The following TOM1L2 variants were observed in gnomAD, a reference collection of about 807,000 sequenced individuals.
The protein encoded by TOM1L2 is TOM1-like protein 2.
In TOM1L2, 31 loss-of-function variants were observed where a neutral mutation model predicts 67.9. The observed-to-expected ratio is 0.46, with a 90% CI of 0.34 to 0.62. TOM1L2 has a LOEUF of 0.62. Among genes scored for constraint, TOM1L2 ranks in the 20% least tolerant of loss-of-function variants. The pLI is 0.01. For missense variants in TOM1L2, 606 were observed against 663.5 expected, an observed-to-expected ratio of 0.91 and a Z score of 0.95; for synonymous variants, 256 against 254.0, an observed-to-expected ratio of 1.01 and a Z score of -0.07.
At chr17:17,939,980 G>C (rs902432912) in intron 1 of TOM1L2, among the ~76,000 whole-genome samples, 7 of 151,802 alleles carry the variant, frequency 4.6e-5, no homozygotes, top group African/African-American at 1.7e-4. Flanking sequence ...ATCACTTGAG[G>C]TCAGGAGTTC....
chr17:17,891,701 G>T (rs2038284844), intron 4 of TOM1L2, among the ~76,000 whole-genome samples: 2 of 152,170 alleles, frequency 1.3e-5, no homozygotes, highest in Non-Finnish European at 1.5e-5. Flanking sequence ...GAATTCCTGG[G>T]GGTATTGAGG....
intron 10 of TOM1L2, 46 bp downstream of exon 10, chr17:17,866,250 A>G: frequency 6.4e-7 from 1 of 1,564,100 alleles, no homozygotes; most frequent in African/African-American, 1.4e-5. Context: ...AAGGGAGGCC[A>G]GTGGTAGGAA....
chr17:17,935,031 C>G (rs1437118878), intron 1 of TOM1L2, among the ~76,000 whole-genome samples: 3 of 152,208 alleles, frequency 2.0e-5, no homozygotes, highest in Non-Finnish European at 4.4e-5. Context: ...AGCCAGCCAC[C>G]CTCTGAGAGG....
chr17:17,968,337 G>A (rs146834113), intron 1 of TOM1L2, among the ~76,000 whole-genome samples: 40 of 152,286 alleles, frequency 2.6e-4, no homozygotes, highest in African/African-American at 9.1e-4. Context: ...GGGAAAATTA[G>A]GTCCAAAGAG....
At chr17:17,910,372 C>T (rs1305398416) in intron 1 of TOM1L2, among the ~76,000 whole-genome samples, 1 of 152,140 alleles carries the variant, frequency 6.6e-6, no homozygotes, top group African/African-American at 2.4e-5. Flanking sequence ...GTGCCCAGCA[C>T]TTGGCAGTAG....
chr17:17,964,971 C>T (rs2041823278), intron 1 of TOM1L2, among the ~76,000 whole-genome samples: 1 of 152,146 alleles, frequency 6.6e-6, no homozygotes, highest in Admixed American at 6.5e-5. Context: ...AGGACAAATG[C>T]TCTAGACTAG....
intron 1 of TOM1L2, among the ~76,000 whole-genome samples, chr17:17,924,428 T>C (rs1166602796): frequency 6.6e-6 from 1 of 152,198 alleles, no homozygotes. Context: ...GTGAATTGTA[T>C]GGCATATGAA....
At position 17,846,611 on chromosome 17, in the gene TOM1L2, CA is replaced by C. The variant is rs1353123112; in HGVS notation, c.*1023del. The stretch of plus-strand genomic sequence containing the variant: ...CCAAGGCCTATGCCAGGGAGCAGAG[CA>C]GGGGCCTTAGTGCTGCCCAGGCCTC... On this transcript the variant is annotated 3_prime_UTR_variant, in exon 15 of 15. Coordinates refer to ENST00000379504, the MANE Select transcript of TOM1L2 (RefSeq NM_001082968.2). 2 of 152,548 alleles carry C rather than the reference CA, an allele frequency of 1.3e-5. No homozygotes were observed. The highest frequency in any genetic ancestry group is 4.8e-5 in the African/African-American group (2 of 41,590). The allele number at this position is 152,548 out of a possible 1,614,324, so 9.4% of individuals were successfully genotyped here.
In TOM1L2 at chr17:17,893,959, T is replaced by C. The variant is rs930288751; in HGVS notation, c.217-149A>G. ...CGTCTCCTCCAGAGCCAAACCTGCATGGCACACGCATTCCCACACTCCATT... is the reference window on the plus strand; with the variant it reads ...CGTCTCCTCCAGAGCCAAACCTGCACGGCACACGCATTCCCACACTCCATT... On this transcript the variant is annotated intron_variant, in intron 3 of 14. Transcript: ENST00000379504. 6 of 711,954 alleles carry C rather than the reference T, an allele frequency of 8.4e-6. No homozygotes were observed. The African/African-American group carries it at 8.9e-5, about 11-fold the overall frequency. The allele number at this position is 711,954 out of a possible 1,614,324, so 44.1% of individuals were successfully genotyped here.
At position 17,861,410 on chromosome 17, in the gene TOM1L2, C is replaced by T. The variant is rs550933246; in HGVS notation, c.1278+66G>A. The T allele has an allele frequency of 1.1e-5, 16 of 1,517,392 alleles. No homozygotes were observed. The East Asian group carries it at 2.3e-4, about 21-fold the overall frequency. 94.0% of individuals were successfully genotyped at this position (1,517,392 alleles called of 1,614,324 possible). On this transcript the variant is annotated intron_variant, in intron 12 of 14. Coordinates refer to ENST00000379504, the MANE Select transcript of TOM1L2 (RefSeq NM_001082968.2). The stretch of plus-strand genomic sequence containing the variant: ...AGTTTCTGCTGAATTACCCAGCCAG[C>T]TTTGCCAAACCACCTGACTTTCCCT...
intron 12 of TOM1L2, among the ~76,000 whole-genome samples, chr17:17,856,383 T>G (rs1433869145): frequency 6.6e-6 from 1 of 152,264 alleles, no homozygotes; most frequent in Non-Finnish European, 1.5e-5. Context: ...GCTGCTACTA[T>G]GAGAGGTGGC....
At chr17:17,971,510 A>C (rs1449404816) in intron 1 of TOM1L2, among the ~76,000 whole-genome samples, 1 of 152,068 alleles carries the variant, frequency 6.6e-6, no homozygotes, top group Non-Finnish European at 1.5e-5. Context: ...AGCACAGCTG[A>C]GTTGCAGCTC....
chr17:17,896,871 A>T (rs1219219905), intron 3 of TOM1L2, among the ~76,000 whole-genome samples: 1 of 152,222 alleles, frequency 6.6e-6, no homozygotes, highest in Admixed American at 6.5e-5. Flanking sequence ...AGGAAACAGG[A>T]GGACTGAAAG....
chr17:17,916,834 TCAA>T, intron 1 of TOM1L2, among the ~76,000 whole-genome samples: 1 of 151,804 alleles, frequency 6.6e-6, no homozygotes, highest in African/African-American at 2.4e-5. Flanking sequence ...ACCAGTCTGG[TCAA>T]CACAGTGAAA....
chr17:17,894,225 G>A (rs1181165198), intron 3 of TOM1L2, among the ~76,000 whole-genome samples: 1 of 152,220 alleles, frequency 6.6e-6, no homozygotes, highest in East Asian at 1.9e-4. Context: ...TGCTATGACA[G>A]CTTGAATTGC....
chr17:17,912,319 G>C (rs1249725310), intron 1 of TOM1L2, among the ~76,000 whole-genome samples: 4 of 151,872 alleles, frequency 2.6e-5, no homozygotes, highest in Admixed American at 1.3e-4. Context: ...CGGGGTGGCT[G>C]CCGGGCGGAG....
chr17:17,972,123 C>T (rs2042128152), intron 1 of TOM1L2, 139 bp downstream of exon 1: 2 of 1,084,930 alleles, frequency 1.8e-6, no homozygotes, highest in East Asian at 3.0e-5. Flanking sequence ...GCCCAGCCCG[C>T]TCGTGGAGTG....
At chr17:17,883,260 T>C (rs1210573362) in intron 5 of TOM1L2, among the ~76,000 whole-genome samples, 1 of 152,272 alleles carries the variant, frequency 6.6e-6, no homozygotes, top group African/African-American at 2.4e-5. Flanking sequence ...AATTACTTTT[T>C]TGGTCTTTAC....
At chr17:17,889,570 T>C (rs899751287) in intron 4 of TOM1L2, among the ~76,000 whole-genome samples, 4 of 152,194 alleles carry the variant, frequency 2.6e-5, no homozygotes, top group Non-Finnish European at 4.4e-5. Context: ...CCATGGGTTC[T>C]ACCTCTGCCA....
Sources: gnomAD v4.1 joint callset for allele counts (sites outside exome capture counted in the v4.1 genomes callset) on GRCh38, gnomAD v4.1.1 for gene constraint, MANE v1.5 for transcripts, NCBI Gene and HGNC (gene_info 2026-07-23, HGNC 2026-07-21) for gene names.